SHANK2: variants seen among roughly 807,000 people sequenced by gnomAD.
SHANK2 encodes SH3 and multiple ankyrin repeat domains protein 2.
SHANK2 carries 43 observed loss-of-function variants against 133.7 expected under a neutral mutation model. The observed-to-expected ratio is 0.32, with a 90% CI of 0.25 to 0.41. SHANK2 has a LOEUF of 0.41. SHANK2 is among the 10% of genes least tolerant of loss of function. The pLI is 1.00. For missense variants in SHANK2, 1,994 were observed against 2,235.8 expected (o/e 0.89, Z 2.18); for synonymous variants, 1,017 against 952.8 (o/e 1.07, Z -1.24).
chr11:70,497,531 T>G (rs779897770), intron 21 of SHANK2, among the ~76,000 whole-genome samples: 11 of 152,184 alleles, frequency 7.2e-5, no homozygotes, highest in Non-Finnish European at 1.6e-4. Flanking sequence ...ATTTCAGCCC[T>G]CTGAGCAAAC....
intron 17 of SHANK2, among the ~76,000 whole-genome samples, chr11:70,544,352 C>A (rs904347791): frequency 2.0e-5 from 3 of 152,218 alleles, no homozygotes; most frequent in African/African-American, 7.2e-5. Flanking sequence ...AAGGTGGAGC[C>A]CCACGCGTAG....
chr11:70,645,484 C>T (rs1302690411), intron 17 of SHANK2, among the ~76,000 whole-genome samples: 1 of 152,154 alleles, frequency 6.6e-6, no homozygotes, highest in Non-Finnish European at 1.5e-5. Flanking sequence ...CATCGAAAAA[C>T]ACTCTGGAAA....
At chr11:70,540,860 A>AAC (rs2059613701) in intron 17 of SHANK2, among the ~76,000 whole-genome samples, 1 of 151,356 alleles carries the variant, frequency 6.6e-6, no homozygotes. Context: ...AAAAAAAAAA[A>AAC]ACTCAGATAT....
intron 10 of SHANK2, among the ~76,000 whole-genome samples, chr11:70,905,914 C>T (rs139283801): frequency 0.022 from 3,267 of 151,454 alleles, 39 homozygotes; most frequent in Non-Finnish European, 0.034. Context: ...TGGGTTCAAG[C>T]GATTCTCCTG....
At position 71,176,058 on chromosome 11, in the gene SHANK2, T is replaced by A. The variant is rs576968447; in HGVS notation, c.-12-28720A>T. The stretch of plus-strand genomic sequence containing the variant: ...AAGGACTGGCAAAAATAATACATAC[T>A]AATTACATAGGCCAGGAACAGTGTC... On this transcript the variant is annotated intron_variant, in intron 2 of 25. Coordinates refer to ENST00000601538, the MANE Select transcript of SHANK2 (RefSeq NM_012309.5). 4.6e-5 allele frequency among the ~76,000 whole-genome samples: 7 copies of A among 152,300 alleles called. No homozygotes were observed. In the East Asian group the frequency reaches 1.4e-3, roughly 29 times the overall value.
At chr11:70,795,407 C>CTTTTTTTTTTTTTT (rs71049944) in intron 14 of SHANK2, among the ~76,000 whole-genome samples, 1 of 128,458 alleles carries the variant, frequency 7.8e-6, no homozygotes, top group Non-Finnish European at 1.6e-5. Flanking sequence ...CTTTCTTTTT[C>CTTTTTTTTTTTTTT]TTTTTTTTTT....
intron 5 of SHANK2, among the ~76,000 whole-genome samples, chr11:71,112,264 A>G (rs1951902087): frequency 6.6e-6 from 1 of 152,182 alleles, no homozygotes; most frequent in Non-Finnish European, 1.5e-5. Context: ...ATGGTGGTGC[A>G]TGCCTGTAAT....
intron 11 of SHANK2, among the ~76,000 whole-genome samples, chr11:70,870,911 G>A (rs1949448543): frequency 6.6e-6 from 1 of 152,164 alleles, no homozygotes; most frequent in Non-Finnish European, 1.5e-5. Flanking sequence ...CCAAGTAGCT[G>A]GGACTACAGG....
At chr11:70,690,881 G>A (rs1945275446) in intron 15 of SHANK2, among the ~76,000 whole-genome samples, 1 of 151,960 alleles carries the variant, frequency 6.6e-6, no homozygotes, top group Non-Finnish European at 1.5e-5. Context: ...AATGTGTCAA[G>A]GATGTTTCAC....
At chr11:70,928,636 A>G (rs1168562849) in intron 10 of SHANK2, among the ~76,000 whole-genome samples, 4 of 152,038 alleles carry the variant, frequency 2.6e-5, no homozygotes, top group African/African-American at 9.7e-5. Context: ...GGGTGGGGGC[A>G]TAGGAGGTGG....
intron 14 of SHANK2, among the ~76,000 whole-genome samples, chr11:70,776,084 A>G (rs1234324224): frequency 1.3e-5 from 2 of 152,256 alleles, no homozygotes; most frequent in Non-Finnish European, 2.9e-5. Context: ...CCCAGTGCCA[A>G]GCAAGAGAAC....
chr11:70,787,481 G>A (rs1279570447), intron 14 of SHANK2, among the ~76,000 whole-genome samples: 39 of 34,870 alleles, frequency 1.1e-3, no homozygotes, highest in Admixed American at 4.7e-3. Context: ...TATCATCACC[G>A]TGACCACCAC....
In SHANK2 at chr11:70,906,630, G is replaced by A. The variant is rs570196244; in HGVS notation, c.1108-10063C>T. Among the ~76,000 whole-genome samples the A allele has an allele frequency of 2.0e-5, 3 of 152,298 alleles. No homozygotes were observed. In the South Asian group the frequency reaches 6.2e-4, roughly 32 times the overall value. ...TTCTCGGAAAGGCACGAGAGAAACCGAGCACTTGGGATGTCCCCGTCTTTG... is the reference window on the plus strand; with the variant it reads ...TTCTCGGAAAGGCACGAGAGAAACCAAGCACTTGGGATGTCCCCGTCTTTG... On this transcript the variant is annotated intron_variant, in intron 10 of 25. Transcript: ENST00000601538.
chr11:71,151,297 GA>G (rs1374614933), intron 2 of SHANK2, among the ~76,000 whole-genome samples: 6 of 152,082 alleles, frequency 3.9e-5, no homozygotes, highest in Non-Finnish European at 8.8e-5. Context: ...CCAATTAGGA[GA>G]AAGCTGATAC....
rs536408841 is a variant in SHANK2 at position 70,688,393 on chromosome 11, G to C, written c.1853+10295C>G. On this transcript the variant is annotated intron_variant, in intron 15 of 25. Coordinates refer to ENST00000601538, the MANE Select transcript of SHANK2 (RefSeq NM_012309.5). ...GCAAGGGGAAGTTGGCCGTGGCCAG[G>C]TCGGAGCACACCTAATTTCGTGCAC... 2.0e-5 allele frequency among the ~76,000 whole-genome samples: 3 copies of C among 152,296 alleles called. No individual in the cohort carries two copies. The East Asian group carries it at 5.8e-4, about 29-fold the overall frequency.
chr11:70,870,987 A>G (rs1441200649), intron 11 of SHANK2, among the ~76,000 whole-genome samples: 1 of 152,162 alleles, frequency 6.6e-6, no homozygotes, highest in Non-Finnish European at 1.5e-5. Context: ...CATGTTGGCC[A>G]GGCTGGTCTC....
At chr11:70,601,911 C>T (rs1014162385) in intron 17 of SHANK2, among the ~76,000 whole-genome samples, 1 of 152,240 alleles carries the variant, frequency 6.6e-6, no homozygotes, top group Non-Finnish European at 1.5e-5. Context: ...AGCCAGGAGA[C>T]CTGCCACCCA....
chr11:70,736,245 T>C (rs1344119862), intron 14 of SHANK2, among the ~76,000 whole-genome samples: 2 of 152,112 alleles, frequency 1.3e-5, no homozygotes, highest in Non-Finnish European at 1.5e-5. Flanking sequence ...ATTCAGCAAA[T>C]AGTTACAGTG....
intron 11 of SHANK2, among the ~76,000 whole-genome samples, chr11:70,845,214 A>AG (rs1249591064): frequency 0.022 from 3,328 of 150,346 alleles, 127 homozygotes; most frequent in African/African-American, 0.078. Context: ...AAAAAAAAAA[A>AG]AAAAAGAAAA....
Sources: gnomAD v4.1 joint callset for allele counts (sites outside exome capture counted in the v4.1 genomes callset) on GRCh38, gnomAD v4.1.1 for gene constraint, MANE v1.5 for transcripts, NCBI Gene and HGNC (gene_info 2026-07-23, HGNC 2026-07-21) for gene names.